The following ZFYVE28 variants were observed in gnomAD, a reference collection of about 807,000 sequenced individuals.
ZFYVE28 encodes zinc finger FYVE-type containing 28.
ZFYVE28 carries 40 observed loss-of-function variants against 82.1 expected under a neutral mutation model. That is an observed-to-expected ratio of 0.49 (90% CI 0.38 to 0.63). ZFYVE28 has a LOEUF of 0.63. Among genes scored for constraint, ZFYVE28 ranks in the 30% least tolerant of loss-of-function variants. The pLI, the probability that ZFYVE28 is intolerant of heterozygous loss-of-function variation, is 0.00. For missense variants in ZFYVE28, 1,321 were observed against 1,242.1 expected (o/e 1.06, Z -0.96); for synonymous variants, 612 against 546.1 (o/e 1.12, Z -1.68).
intron 1 of ZFYVE28, among the ~76,000 whole-genome samples, chr4:2,387,806 C>G (rs750839478): frequency 1.3e-5 from 2 of 152,242 alleles, no homozygotes; most frequent in Non-Finnish European, 2.9e-5. Flanking sequence ...ACCTGGCTCC[C>G]TTATCACCTC....
At chr4:2,355,795 T>C (rs1173347656) in intron 1 of ZFYVE28, among the ~76,000 whole-genome samples, 1 of 152,226 alleles carries the variant, frequency 6.6e-6, no homozygotes, top group African/African-American at 2.4e-5. Flanking sequence ...CAGCCTGGTC[T>C]TGAACTCCTG....
intron 6 of ZFYVE28, chr4:2,330,050 C>T (rs943835102): frequency 6.4e-6 from 1 of 156,316 alleles, no homozygotes; most frequent in Non-Finnish European, 1.4e-5. Context: ...ATATGAATAA[C>T]CCAATAGCCA....
At chr4:2,340,802 G>A (rs933750897) in intron 3 of ZFYVE28, among the ~76,000 whole-genome samples, 1 of 152,142 alleles carries the variant, frequency 6.6e-6, no homozygotes, top group Non-Finnish European at 1.5e-5. Context: ...GGTGGGGTGG[G>A]CAGGGTGGAC....
At chr4:2,301,559 G>A (rs1212194879) in intron 8 of ZFYVE28, among the ~76,000 whole-genome samples, 1 of 152,126 alleles carries the variant, frequency 6.6e-6, no homozygotes, top group Admixed American at 6.5e-5. Flanking sequence ...AGCTGAGGCC[G>A]CGTTAAGAGG....
chr4:2,406,062 A>AAGAAAG (rs1553867783), intron 1 of ZFYVE28, among the ~76,000 whole-genome samples: 2 of 125,080 alleles, frequency 1.6e-5, no homozygotes, highest in East Asian at 2.3e-4. Flanking sequence ...AAAAAAAAAA[A>AAGAAAG]AAAGAAAGAA....
intron 1 of ZFYVE28, among the ~76,000 whole-genome samples, chr4:2,375,299 CTT>C (rs1164015949): frequency 9.9e-5 from 15 of 152,212 alleles, no homozygotes; most frequent in Admixed American, 9.8e-4. Context: ...TTTTAAGCAA[CTT>C]TGCATCAGTA....
At chr4:2,299,281 G>A (rs1195230863) in intron 8 of ZFYVE28, among the ~76,000 whole-genome samples, 1 of 152,130 alleles carries the variant, frequency 6.6e-6, no homozygotes, top group Non-Finnish European at 1.5e-5. Flanking sequence ...GCAAACCTCA[G>A]GAACAGCGAA....
At position 2,339,219 on chromosome 4, in the gene ZFYVE28, C is replaced by A. The variant is rs3118614; in HGVS notation, c.521+234G>T. ...AAGCCCTTCCCCTGGAGGCCCACGG[C>A]GGCCAGATCCACACCTGTGTCCTCT... On this transcript the variant is annotated intron_variant, in intron 4 of 12. Transcript: ENST00000290974. This position sits in a 1 kb window ranked among gnomAD's most constrained non-coding sequence, Gnocchi z 5.0. Among the ~76,000 whole-genome samples, 13 of 152,060 alleles carry A rather than the reference C, an allele frequency of 8.5e-5. No homozygotes were observed. The highest frequency in any genetic ancestry group is 1.9e-4 in the Non-Finnish European group (13 of 68,008).
chr4:2,391,122 C>T (rs1308244115), intron 1 of ZFYVE28, among the ~76,000 whole-genome samples: 2 of 152,244 alleles, frequency 1.3e-5, no homozygotes, highest in Admixed American at 6.5e-5. Context: ...GACAAGGGGC[C>T]GTGCCCGCCG....
At chr4:2,369,721 A>G (rs1397185878) in intron 1 of ZFYVE28, among the ~76,000 whole-genome samples, 1 of 151,822 alleles carries the variant, frequency 6.6e-6, no homozygotes. Flanking sequence ...AGCCGGCAAC[A>G]CCGGGAGCTG....
At chr4:2,329,961 T>TG (rs541023434) in intron 6 of ZFYVE28, among the ~76,000 whole-genome samples, 10 of 152,236 alleles carry the variant, frequency 6.6e-5, no homozygotes, top group Non-Finnish European at 1.0e-4. Flanking sequence ...CACTATGACA[T>TG]GACAGGCACT....
intron 8 of ZFYVE28, among the ~76,000 whole-genome samples, chr4:2,292,777 G>T (rs868851117): frequency 6.6e-6 from 1 of 152,112 alleles, no homozygotes; most frequent in African/African-American, 2.4e-5. Context: ...CCAGAAACCC[G>T]AAGAGGTGGA....
chr4:2,387,556 A>C (rs1311728504), intron 1 of ZFYVE28, among the ~76,000 whole-genome samples: 1 of 152,224 alleles, frequency 6.6e-6, no homozygotes, highest in African/African-American at 2.4e-5. Context: ...CTTTCCAGGG[A>C]GAGCACAGAG....
intron 8 of ZFYVE28, among the ~76,000 whole-genome samples, chr4:2,281,492 G>C (rs988792866): frequency 1.1e-4 from 17 of 152,204 alleles, no homozygotes; most frequent in South Asian, 6.2e-4. Context: ...TCACCACATG[G>C]AGGAAGGCAT....
chr4:2,359,136 G>A (rs935575910), intron 1 of ZFYVE28, among the ~76,000 whole-genome samples: 6 of 151,436 alleles, frequency 4.0e-5, no homozygotes, highest in Non-Finnish European at 5.9e-5. Flanking sequence ...CACCAGGCCC[G>A]GCTAATTTTT....
At chr4:2,376,264 C>T (rs1278788793) in intron 1 of ZFYVE28, among the ~76,000 whole-genome samples, 1 of 146,412 alleles carries the variant, frequency 6.8e-6, no homozygotes, top group Non-Finnish European at 1.5e-5. Context: ...TGGCCAGGCA[C>T]AGTGGCTCAG....
intron 8 of ZFYVE28, among the ~76,000 whole-genome samples, chr4:2,282,132 G>A (rs1577885149): frequency 6.6e-6 from 1 of 152,308 alleles, no homozygotes; most frequent in East Asian, 1.9e-4. Flanking sequence ...ACTTCAGCAT[G>A]TTCACCCGGA....
chr4:2,272,384 G>A (rs1021989876), intron 10 of ZFYVE28, among the ~76,000 whole-genome samples: 3 of 152,218 alleles, frequency 2.0e-5, no homozygotes, highest in African/African-American at 7.2e-5. Flanking sequence ...CAGGGGTGGC[G>A]AGTAGGGGCT....
intron 7 of ZFYVE28, among the ~76,000 whole-genome samples, chr4:2,311,008 TTC>T (rs567003135): frequency 1.3e-3 from 204 of 152,358 alleles, no homozygotes; most frequent in Non-Finnish European, 2.3e-3. Flanking sequence ...CTATTTCTTC[TTC>T]TGTTAGCTTT....
Sources: gnomAD v4.1 joint callset for allele counts (sites outside exome capture counted in the v4.1 genomes callset) on GRCh38, gnomAD v4.1.1 for gene constraint, Gnocchi (gnomAD v3.1) non-coding constraint, MANE v1.5 for transcripts, NCBI Gene and HGNC (gene_info 2026-07-23, HGNC 2026-07-21) for gene names.